Variants in NABP1 observed in about 807,000 individuals in gnomAD.
NABP1 encodes the protein nucleic acid binding protein 1, also known as SOSS complex subunit B2.
In NABP1, 18 loss-of-function variants were observed where a neutral mutation model predicts 25.0. The observed-to-expected ratio is 0.72, with a 90% confidence interval of 0.50 to 1.07. The LOEUF is 1.07. Ranked by LOEUF, NABP1 falls within the 50% of genes least tolerant of loss-of-function variation. The pLI, the probability that NABP1 is intolerant of heterozygous loss-of-function variation, is 0.00. For synonymous variants in NABP1, 71 were observed against 85.0 expected (o/e 0.84, Z 0.91); for missense variants, 270 against 255.6 (o/e 1.06, Z -0.39).
In NABP1 at chr2:191,683,697, A is replaced by G; in HGVS notation, c.303-32A>G. On this transcript the variant is annotated intron_variant, in intron 3 of 5. Coordinates refer to ENST00000425611, the MANE Select transcript of NABP1 (RefSeq NM_001031716.5). The surrounding 1 kb of genome is among the most constrained non-coding windows in gnomAD (Gnocchi z 4.1). Reference sequence around the variant, plus strand: ...GAAGGGTTGAGGACTTTATTTCAGAAGTCATTTAATTTTTTCTTTATTTTC... The same window carrying G: ...GAAGGGTTGAGGACTTTATTTCAGAGGTCATTTAATTTTTTCTTTATTTTC... The G allele has an allele frequency of 6.6e-7, 1 of 1,513,158 alleles. No homozygotes were observed. The highest frequency in any genetic ancestry group is 9.2e-7 in the Non-Finnish European group (1 of 1,092,238). The allele number at this position is 1,513,158 out of a possible 1,614,324, so 93.7% of individuals were successfully genotyped here.
intron 2 of NABP1, among the ~76,000 whole-genome samples, chr2:191,681,114 A>C (rs1687674611): frequency 6.6e-6 from 1 of 152,144 alleles, no homozygotes; most frequent in Admixed American, 6.5e-5. Flanking sequence ...ATGTTAATGC[A>C]CTGTATCCTA....
In NABP1 at chr2:191,678,484, T is replaced by G; in HGVS notation, c.-131T>G. ...TTTGCCCGGTCCCTGACTAACGGCT[T>G]TCTGCCCCTTCTCTCGCCACCCCTG... On this transcript the variant is annotated 5_prime_UTR_variant, in exon 1 of 6. Transcript: ENST00000425611. 1 of 573,912 alleles carries G rather than the reference T, an allele frequency of 1.7e-6. No homozygotes were observed. The highest frequency in any genetic ancestry group is 2.1e-5 in the South Asian group (1 of 48,588). The allele number at this position is 573,912 out of a possible 1,614,324, so 35.6% of individuals were successfully genotyped here. A position where few individuals can be genotyped will look rare whatever the true frequency, so the allele number is the denominator to read the frequency against.
intron 2 of NABP1, among the ~76,000 whole-genome samples, chr2:191,680,539 T>C (rs1223683167): frequency 6.6e-6 from 1 of 152,186 alleles, no homozygotes; most frequent in African/African-American, 2.4e-5. Context: ...ATAATTGGAG[T>C]TTTTGGCTCC....
chr2:191,678,623 G>C lies in NABP1; in HGVS notation c.9G>C (p.Arg3Ser). 1 of 1,612,336 alleles carries C rather than the reference G, an allele frequency of 6.2e-7. No homozygotes were observed. Among genetic ancestry groups the C allele is most frequent in the Non-Finnish European group, 8.5e-7 (1 of 1,179,158 alleles). Residue 3 changes from arginine (R) to serine (S), a missense_variant, in exon 1 of 6, where the codon AGG becomes AGC. Transcript: ENST00000425611. ...GCCGCGCCTGTCCCAATATGAATAG[G>C]GTCAACGACCCACTTATTTTTATAA... Reference protein sequence around the residue: MNRVNDPLIFIRD... With the variant: MNSVNDPLIFIRD...
Position 191,681,941 on chromosome 2 carries a change from T to A in NABP1, c.231-5T>A, listed in dbSNP as rs1687698448. On this transcript the variant is annotated splice_region_variant and splice_polypyrimidine_tract_variant and intron_variant, in intron 2 of 5. Transcript: ENST00000425611. ...CTAAAGAATTAATGTTTCTTTTCTCTCTAGGTATGCATCCATGTGGAAAGG... is the reference window on the plus strand; with the variant it reads ...CTAAAGAATTAATGTTTCTTTTCTCACTAGGTATGCATCCATGTGGAAAGG... The A allele has an allele frequency of 6.6e-7, 1 of 1,507,264 alleles. No individual in the cohort carries two copies. Among genetic ancestry groups the A allele is most frequent in the Non-Finnish European group, 8.9e-7 (1 of 1,128,578 alleles). The allele number at this position is 1,507,264 out of a possible 1,614,324, so 93.4% of individuals were successfully genotyped here.
intron 4 of NABP1, 119 bp from the exon 5 acceptor site, chr2:191,684,111 T>G: frequency 3.3e-6 from 2 of 612,054 alleles, no homozygotes; most frequent in Non-Finnish European, 5.2e-6. Context: ...AAAAATTTGT[T>G]AATTAAAAAA....
chr2:191,679,630 A>G (rs1452202617), intron 2 of NABP1, among the ~76,000 whole-genome samples: 4 of 150,634 alleles, frequency 2.7e-5, no homozygotes, highest in African/African-American at 7.3e-5. Flanking sequence ...GCGCGCCCCA[A>G]CCTCCCAAAG....
In NABP1 at chr2:191,679,113, T is replaced by C. The variant is rs1687594636; in HGVS notation, c.215T>C (p.Ile72Thr). The change falls in exon 2 of 6, where the codon ATT becomes ACT. Residue 72 changes from isoleucine (I) to threonine (T), a missense_variant. Transcript: ENST00000425611. ...IGGLIQPGDI[I>T]RLTRGYASMW... is the part of the protein sequence containing the mutation. ...GGTCTTATACAGCCAGGGGATATTATTCGGTTGACCAGAGGGTAGGTGTGC... is the reference window on the plus strand; with the variant it reads ...GGTCTTATACAGCCAGGGGATATTACTCGGTTGACCAGAGGGTAGGTGTGC... 6.2e-7 allele frequency: 1 copy of C among 1,614,040 alleles called. No homozygotes were observed. Among genetic ancestry groups the C allele is most frequent in the African/African-American group, 1.3e-5 (1 of 74,922 alleles).
At chr2:191,680,257 G>T (rs1687649302) in intron 2 of NABP1, among the ~76,000 whole-genome samples, 1 of 152,172 alleles carries the variant, frequency 6.6e-6, no homozygotes, top group African/African-American at 2.4e-5. Context: ...TAACTGCAGG[G>T]AAAGTGGTGG....
At chr2:191,684,172 TG>T (rs1391621939) in intron 4 of NABP1, 57 bp from the exon 5 acceptor site, 3 of 1,072,564 alleles carry the variant, frequency 2.8e-6, no homozygotes, top group Non-Finnish European at 4.0e-6. Context: ...ATAATAATGT[TG>T]TAATAATATA....
chr2:191,679,012 C>A lies in NABP1; in HGVS notation c.114C>A (p.Asp38Glu), dbSNP rs142337371. 12 of 1,614,112 alleles carry A rather than the reference C, an allele frequency of 7.4e-6. No homozygotes were observed. The highest frequency in any genetic ancestry group is 1.0e-5 in the Non-Finnish European group (12 of 1,180,036). Reference protein sequence around the residue: ...LEIGRVTKTKDGHEVRSCKVA... With the variant: ...LEIGRVTKTKEGHEVRSCKVA... The stretch of plus-strand genomic sequence containing the variant: ...CAGGACGCGTGACCAAAACCAAAGA[C>A]GGCCATGAAGTGAGATCGTGCAAAG... Residue 38 changes from aspartate (D) to glutamate (E), a missense_variant, in exon 2 of 6, where the codon GAC (aspartate) becomes GAA (glutamate). Asp to Glu is a conservative substitution (Grantham distance 45). Coordinates refer to ENST00000425611, the MANE Select transcript of NABP1 (RefSeq NM_001031716.5).
At chr2:191,681,324 G>A (rs1176246259) in intron 2 of NABP1, among the ~76,000 whole-genome samples, 1 of 152,124 alleles carries the variant, frequency 6.6e-6, no homozygotes, top group Non-Finnish European at 1.5e-5. Context: ...ATTATTTTAT[G>A]TAGTGATGCT....
rs751759688 is a variant in NABP1, at chr2:191,686,446, T to C, written c.*678T>C. The C allele has an allele frequency of 9.9e-5, 15 of 152,222 alleles. No homozygotes were observed. The highest frequency in any genetic ancestry group is 1.8e-4 in the Non-Finnish European group (12 of 68,034). The allele number at this position is 152,222 out of a possible 1,614,324, so 9.4% of individuals were successfully genotyped here. A position where few individuals can be genotyped will look rare whatever the true frequency, so the allele number is the denominator to read the frequency against. ...TGTATTATCAACTTTGTGGATTACA[T>C]TGGAGGAAAATTTAAAACTGGGGCC... On this transcript the variant is annotated 3_prime_UTR_variant, in exon 6 of 6. Transcript: ENST00000425611.
chr2:191,682,362 C>G (rs998454831), intron 3 of NABP1: 2 of 366,050 alleles, frequency 5.5e-6, no homozygotes, highest in African/African-American at 4.3e-5. Context: ...TCACCATATA[C>G]GAAGCTAGTG....
rs1426776336 is a variant in NABP1, at chr2:191,683,442, G to A, written c.303-287G>A. On this transcript the variant is annotated intron_variant, in intron 3 of 5. Transcript: ENST00000425611. This position sits in a 1 kb window ranked among gnomAD's most constrained non-coding sequence, Gnocchi z 4.1. ...TTTGATCAGCTTTTGTGGAAAAACAGGACAGAGATGTTTTTGTGTCCTTGA... is the reference window on the plus strand; with the variant it reads ...TTTGATCAGCTTTTGTGGAAAAACAAGACAGAGATGTTTTTGTGTCCTTGA... 6 of 330,424 alleles carry A rather than the reference G, an allele frequency of 1.8e-5. No individual in the cohort carries two copies. The highest frequency in any genetic ancestry group is 1.5e-4 in the Admixed American group (3 of 20,540). The allele number at this position is 330,424 out of a possible 1,614,324, so 20.5% of individuals were successfully genotyped here.
chr2:191,685,492 G>A (rs1159159942), intron 5 of NABP1, 107 bp from the exon 6 acceptor site: 8 of 961,504 alleles, frequency 8.3e-6, no homozygotes, highest in Non-Finnish European at 1.2e-5. Context: ...AAATAAAAGT[G>A]TGTGCTTTAA....
At chr2:191,684,114 T>TC in intron 4 of NABP1, 116 bp from the exon 5 acceptor site, 2 of 605,504 alleles carry the variant, frequency 3.3e-6, no homozygotes. Context: ...AATTTGTTAA[T>TC]TAAAAAAAAA....
intron 5 of NABP1, among the ~76,000 whole-genome samples, chr2:191,684,511 A>T (rs548714012): frequency 6.6e-6 from 1 of 151,586 alleles, no homozygotes; most frequent in South Asian, 2.1e-4. Flanking sequence ...CCGTGAAGAG[A>T]TACCATGCTA....
chr2:191,680,771 C>T (rs548222183), intron 2 of NABP1, among the ~76,000 whole-genome samples: 3 of 152,266 alleles, frequency 2.0e-5, no homozygotes, highest in African/African-American at 7.2e-5. Flanking sequence ...CTATTTACTA[C>T]TTCAGTATGA....
Sources: allele counts gnomAD v4.1 joint callset (sites outside exome capture counted in the v4.1 genomes callset), GRCh38; gene constraint gnomAD v4.1.1; non-coding constraint Gnocchi (gnomAD v3.1); transcripts MANE v1.5; gene names NCBI Gene and HGNC (gene_info 2026-07-23, HGNC 2026-07-21).